MACROD2: variants seen among roughly 807,000 people sequenced by gnomAD.
MACROD2 encodes mono-ADP ribosylhydrolase 2.
A neutral mutation model predicts 70.4 loss-of-function variants in MACROD2; 36 were observed. That is an observed-to-expected ratio of 0.51 (90% confidence interval 0.39 to 0.68). The LOEUF (loss-of-function observed/expected upper bound fraction) is 0.68. MACROD2 is among the 30% of genes least tolerant of loss of function. MACROD2 has a pLI of 0.00. For missense variants in MACROD2, 496 were observed against 538.4 expected, an observed-to-expected ratio of 0.92 and a Z score of 0.78; for synonymous variants, 172 against 178.8, an observed-to-expected ratio of 0.96 and a Z score of 0.30.
At chr20:14,278,177 A>C (rs941939597) in intron 3 of MACROD2, among the ~76,000 whole-genome samples, 1 of 152,264 alleles carries the variant, frequency 6.6e-6, no homozygotes, top group Non-Finnish European at 1.5e-5. Flanking sequence ...TTTAAATCTC[A>C]GAGTAATTTT....
intron 4 of MACROD2, among the ~76,000 whole-genome samples, chr20:14,536,401 T>G (rs575571510): frequency 1.3e-5 from 2 of 152,272 alleles, no homozygotes; most frequent in South Asian, 4.2e-4. Context: ...ATATTATACT[T>G]TAGGAAGAAT....
At chr20:14,758,927 T>C (rs6135252) in intron 5 of MACROD2, among the ~76,000 whole-genome samples, 6,860 of 152,198 alleles carry the variant, frequency 0.045, 306 homozygotes, top group East Asian at 0.18. Flanking sequence ...CCACTTATAA[T>C]TGCAGTATTT....
At chr20:14,520,094 G>A (rs918772877) in intron 4 of MACROD2, among the ~76,000 whole-genome samples, 1 of 152,146 alleles carries the variant, frequency 6.6e-6, no homozygotes. Flanking sequence ...GAGTGAATCA[G>A]AAAAAATATC....
intron 8 of MACROD2, among the ~76,000 whole-genome samples, chr20:15,512,477 C>T (rs1348550641): frequency 2.0e-5 from 3 of 152,174 alleles, no homozygotes; most frequent in East Asian, 1.9e-4. Flanking sequence ...TCTTTGAGTA[C>T]TTATTGTAGG....
At chr20:14,090,297 G>A (rs1008275468) in intron 3 of MACROD2, among the ~76,000 whole-genome samples, 5 of 151,138 alleles carry the variant, frequency 3.3e-5, no homozygotes, top group African/African-American at 4.9e-5. Context: ...CATGCTGGCC[G>A]GGCACGGTAG....
At chr20:15,735,836 T>C (rs774455703) in intron 8 of MACROD2, among the ~76,000 whole-genome samples, 2 of 152,196 alleles carry the variant, frequency 1.3e-5, no homozygotes, top group Non-Finnish European at 2.9e-5. Flanking sequence ...ATTTTGACCC[T>C]CAGAAGACAA....
intron 5 of MACROD2, among the ~76,000 whole-genome samples, chr20:15,182,953 A>AT (rs1199099693): frequency 6.6e-6 from 1 of 152,046 alleles, no homozygotes; most frequent in Non-Finnish European, 1.5e-5. Context: ...TCAATTCATC[A>AT]TTTTTTCCAG....
At chr20:14,259,877 G>C (rs2082088186) in intron 3 of MACROD2, among the ~76,000 whole-genome samples, 1 of 152,208 alleles carries the variant, frequency 6.6e-6, no homozygotes. Flanking sequence ...GAAAACTCAT[G>C]AATCAATCAG....
At chr20:14,579,205 A>G (rs1035318314) in intron 4 of MACROD2, among the ~76,000 whole-genome samples, 7 of 139,000 alleles carry the variant, frequency 5.0e-5, no homozygotes, top group African/African-American at 8.3e-5. Context: ...GCAGTGGCGC[A>G]ATCTCGGCTC....
chr20:14,567,793 A>T (rs563786906), intron 4 of MACROD2, among the ~76,000 whole-genome samples: 1 of 152,086 alleles, frequency 6.6e-6, no homozygotes, highest in Admixed American at 6.6e-5. Context: ...TTCATTCCAG[A>T]TATTATATCT....
chr20:14,254,440 G>T (rs578164130), intron 3 of MACROD2, among the ~76,000 whole-genome samples: 2 of 151,892 alleles, frequency 1.3e-5, no homozygotes, highest in African/African-American at 4.8e-5. Flanking sequence ...ATAAAATTAA[G>T]ATACAAATAG....
chr20:14,838,315 TTTATG>T (rs1203468542), intron 5 of MACROD2, among the ~76,000 whole-genome samples: 1 of 152,144 alleles, frequency 6.6e-6, no homozygotes, highest in Non-Finnish European at 1.5e-5. Context: ...GGTTCTACAT[TTTATG>T]TTATATTAAA....
chr20:14,233,333 A>G (rs2081836130), intron 3 of MACROD2, among the ~76,000 whole-genome samples: 1 of 152,146 alleles, frequency 6.6e-6, no homozygotes, highest in East Asian at 1.9e-4. Flanking sequence ...AAAACATTCA[A>G]TATCTGTGAA....
chr20:14,337,937 A>G (rs2082967885), intron 3 of MACROD2, among the ~76,000 whole-genome samples: 1 of 152,192 alleles, frequency 6.6e-6, no homozygotes, highest in South Asian at 2.1e-4. Context: ...CACAATAGAA[A>G]AAGACAGGCT....
chr20:14,066,442 A>G (rs1440430272), intron 2 of MACROD2, among the ~76,000 whole-genome samples: 2 of 152,240 alleles, frequency 1.3e-5, no homozygotes, highest in East Asian at 3.8e-4. Context: ...TAGTCTTGAA[A>G]GTCTGTCCAT....
At chr20:14,397,020 A>T (rs1256020686) in intron 3 of MACROD2, among the ~76,000 whole-genome samples, 5 of 109,726 alleles carry the variant, frequency 4.6e-5, no homozygotes, top group Non-Finnish European at 8.7e-5. Context: ...ATTGAGATGG[A>T]GTCTCGCTCT....
At chr20:15,529,186 CA>C (rs1446330661) in intron 8 of MACROD2, among the ~76,000 whole-genome samples, 1 of 152,088 alleles carries the variant, frequency 6.6e-6, no homozygotes, top group Non-Finnish European at 1.5e-5. Flanking sequence ...TGGAAGTAGA[CA>C]GTTCTTGTTC....
intron 3 of MACROD2, among the ~76,000 whole-genome samples, chr20:14,262,846 T>C (rs1366859280): frequency 1.3e-5 from 2 of 152,116 alleles, no homozygotes; most frequent in Non-Finnish European, 2.9e-5. Context: ...TTTTTGAGAA[T>C]AGAGTGAGGA....
intron 3 of MACROD2, chr20:14,323,358 A>G (rs1314639939): frequency 6.6e-6 from 1 of 152,178 alleles, no homozygotes; most frequent in East Asian, 1.9e-4. Context: ...ATGGCAGGAA[A>G]CATAAGGTGA....
Sources: gnomAD v4.1 joint callset for allele counts (sites outside exome capture counted in the v4.1 genomes callset) on GRCh38, gnomAD v4.1.1 for gene constraint, MANE v1.5 for transcripts, NCBI Gene and HGNC (gene_info 2026-07-23, HGNC 2026-07-21) for gene names.